CDK14: variants seen among roughly 807,000 people sequenced by gnomAD.
CDK14 encodes the protein cyclin dependent kinase 14.
A neutral mutation model predicts 60.7 loss-of-function variants in CDK14; 34 were observed. The observed-to-expected ratio is 0.56, with a 90% CI of 0.43 to 0.75. The LOEUF (loss-of-function observed/expected upper bound fraction) is 0.75. Ranked by LOEUF, CDK14 falls within the 30% of genes least tolerant of loss-of-function variation. The pLI is 0.00. For missense variants in CDK14, 482 were observed against 564.1 expected, an observed-to-expected ratio of 0.85 and a Z score of 1.47; for synonymous variants, 197 against 203.7, an observed-to-expected ratio of 0.97 and a Z score of 0.28.
intron 2 of CDK14, among the ~76,000 whole-genome samples, chr7:90,636,309 A>G (rs1247467488): frequency 6.6e-6 from 1 of 152,206 alleles, no homozygotes; most frequent in South Asian, 2.1e-4. Flanking sequence ...AATACGTCCC[A>G]TCAATACCTG....
At chr7:90,839,354 T>C (rs190939793) in intron 5 of CDK14, among the ~76,000 whole-genome samples, 1 of 152,342 alleles carries the variant, frequency 6.6e-6, no homozygotes, top group African/African-American at 2.4e-5. Context: ...TTTTGTACTC[T>C]GCTAATGCCC....
In CDK14 at chr7:90,684,933, G is replaced by A. The variant is rs139734192; in HGVS notation, c.124-41634G>A. Reference sequence around the variant, plus strand: ...ATATATTCATATTTTCATATATATAGTGAATATTTTTCTAATTTTCCATCT... The same window carrying A: ...ATATATTCATATTTTCATATATATAATGAATATTTTTCTAATTTTCCATCT... On this transcript the variant is annotated intron_variant, in intron 2 of 14. Transcript: ENST00000380050. Among the ~76,000 whole-genome samples the A allele has an allele frequency of 8.3e-3, 1,247 of 150,914 alleles. 8 individuals are homozygous for A. The highest frequency in any genetic ancestry group is 0.013 in the Non-Finnish European group (887 of 67,804).
intron 11 of CDK14, among the ~76,000 whole-genome samples, chr7:91,054,682 G>A (rs1797501069): frequency 6.6e-6 from 1 of 152,176 alleles, no homozygotes. Context: ...TTCCTGTTGA[G>A]TGCTTACTAG....
At chr7:90,704,522 C>G (rs1018803471) in intron 2 of CDK14, among the ~76,000 whole-genome samples, 3 of 152,074 alleles carry the variant, frequency 2.0e-5, no homozygotes, top group Non-Finnish European at 2.9e-5. Flanking sequence ...TGGTCTTCCT[C>G]AATATCATTT....
chr7:90,778,604 C>T (rs1276364381), intron 4 of CDK14, among the ~76,000 whole-genome samples: 3 of 152,168 alleles, frequency 2.0e-5, no homozygotes, highest in African/African-American at 4.8e-5. Flanking sequence ...GCCCAGAAGG[C>T]CCTTCGTGAT....
chr7:90,970,036 G>A (rs1356879808), intron 9 of CDK14, among the ~76,000 whole-genome samples: 2 of 150,388 alleles, frequency 1.3e-5, no homozygotes, highest in East Asian at 2.0e-4. Context: ...GCACAATCTC[G>A]GCTCATTGCA....
intron 5 of CDK14, among the ~76,000 whole-genome samples, chr7:90,833,223 C>T (rs1408686957): frequency 2.0e-5 from 3 of 152,144 alleles, no homozygotes; most frequent in Admixed American, 6.6e-5. Flanking sequence ...AAAACAACTT[C>T]ATTTCTAAAA....
rs985747066 is a variant in CDK14 at position 90,603,603 on chromosome 7, CAT to C, written c.92-614_92-613del. ...AATGTATCCCAGTTGTTAAGTGACA[CAT>C]GTCTGGATTTAAAGTAAATTTGAAG... On this transcript the variant is annotated intron_variant, in intron 1 of 14. Coordinates refer to ENST00000380050, the MANE Select transcript of CDK14 (RefSeq NM_001287135.2). Among the ~76,000 whole-genome samples, 116 of 152,280 alleles carry C rather than the reference CAT, an allele frequency of 7.6e-4. 1 individual carries two copies. The highest frequency in any genetic ancestry group is 2.5e-3 in the African/African-American group (105 of 41,546).
chr7:91,182,649 C>G (rs1351071964), intron 14 of CDK14, among the ~76,000 whole-genome samples: 3 of 152,088 alleles, frequency 2.0e-5, no homozygotes, highest in South Asian at 4.2e-4. Flanking sequence ...TATGAACTCC[C>G]CTCTCTTAGG....
intron 5 of CDK14, among the ~76,000 whole-genome samples, chr7:90,801,815 A>T (rs543847516): frequency 2.0e-5 from 3 of 152,320 alleles, no homozygotes; most frequent in East Asian, 3.9e-4. Context: ...TACAACCTAA[A>T]TGATAAGTAT....
intron 6 of CDK14, among the ~76,000 whole-genome samples, chr7:90,886,350 G>A (rs956454137): frequency 1.3e-5 from 2 of 152,128 alleles, no homozygotes; most frequent in Non-Finnish European, 2.9e-5. Context: ...TTGTTTTGAA[G>A]TAAATATTGA....
At chr7:91,032,946 G>A (rs1796805411) in intron 10 of CDK14, among the ~76,000 whole-genome samples, 1 of 152,212 alleles carries the variant, frequency 6.6e-6, no homozygotes, top group African/African-American at 2.4e-5. Context: ...TGATGTAACT[G>A]AAATGAATAT....
intron 2 of CDK14, among the ~76,000 whole-genome samples, chr7:90,609,282 C>T (rs1799486707): frequency 6.6e-6 from 1 of 152,100 alleles, no homozygotes; most frequent in African/African-American, 2.4e-5. Context: ...ATCTCAGCCT[C>T]CTAAAGTGTT....
At chr7:91,089,570 GA>G (rs60356035) in intron 12 of CDK14, among the ~76,000 whole-genome samples, 73,359 of 139,594 alleles carry the variant, frequency 0.53, 19,265 homozygotes, top group East Asian at 0.82. Context: ...GCTCTGAGGG[GA>G]AAAAAAAAAA....
At chr7:91,144,101 G>T (rs1157647877) in intron 14 of CDK14, among the ~76,000 whole-genome samples, 1 of 152,128 alleles carries the variant, frequency 6.6e-6, no homozygotes, top group Admixed American at 6.5e-5. Context: ...TAAAATTAGA[G>T]GTTCAAGAAC....
chr7:90,777,016 TAAAAAA>T (rs11370384), intron 4 of CDK14, among the ~76,000 whole-genome samples: 1 of 147,882 alleles, frequency 6.8e-6, no homozygotes, highest in African/African-American at 2.5e-5. Context: ...CGAAGTTAGT[TAAAAAA>T]AAAAAAAAAG....
chr7:90,844,800 G>A (rs1270489445), intron 5 of CDK14, among the ~76,000 whole-genome samples: 1 of 152,052 alleles, frequency 6.6e-6, no homozygotes, highest in Non-Finnish European at 1.5e-5. Context: ...TTACTCAGAT[G>A]GTTTAAACAA....
chr7:90,687,434 A>G (rs1288948357), intron 2 of CDK14, among the ~76,000 whole-genome samples: 1 of 152,158 alleles, frequency 6.6e-6, no homozygotes, highest in Admixed American at 6.6e-5. Flanking sequence ...AGCTTTCTTT[A>G]GAAGGCTACG....
chr7:91,149,894 A>T (rs1427162705), intron 14 of CDK14, among the ~76,000 whole-genome samples: 1 of 152,150 alleles, frequency 6.6e-6, no homozygotes, highest in East Asian at 1.9e-4. Flanking sequence ...TTGACTCAGA[A>T]AGTAGGGGAT....
Sources: allele counts gnomAD v4.1 joint callset (sites outside exome capture counted in the v4.1 genomes callset), GRCh38; gene constraint gnomAD v4.1.1; transcripts MANE v1.5; gene names NCBI Gene and HGNC (gene_info 2026-07-23, HGNC 2026-07-21).